TMTC4: variants seen among roughly 807,000 people sequenced by gnomAD.
The protein encoded by TMTC4 is transmembrane O-mannosyltransferase targeting cadherins 4, also known as protein O-mannosyl-transferase TMTC4.
TMTC4 carries 65 observed loss-of-function variants against 86.0 expected under a neutral mutation model. The ratio of observed to expected loss-of-function variants is 0.76; its 90% CI spans 0.62 to 0.93. The LOEUF (loss-of-function observed/expected upper bound fraction) is 0.93, where lower values mean the gene tolerates loss of function less well. TMTC4 is among the 40% of genes least tolerant of loss of function. TMTC4 has a pLI of 0.00. For synonymous variants in TMTC4, 379 were observed against 382.5 expected (o/e 0.99, Z 0.11); for missense variants, 866 against 948.1 (o/e 0.91, Z 1.14).
chr13:100,630,398 A>G (rs1881195864), intron 12 of TMTC4, among the ~76,000 whole-genome samples: 1 of 152,226 alleles, frequency 6.6e-6, no homozygotes, highest in Non-Finnish European at 1.5e-5. Context: ...ACTACCATGC[A>G]CCACACAGTA....
intron 6 of TMTC4, among the ~76,000 whole-genome samples, chr13:100,651,912 G>C (rs1003129253): frequency 1.3e-5 from 2 of 152,028 alleles, no homozygotes; most frequent in African/African-American, 4.8e-5. Flanking sequence ...CCACCGAAGA[G>C]TTAGTTTTTA....
At chr13:100,671,137 T>C (rs142266296) in intron 1 of TMTC4, among the ~76,000 whole-genome samples, 3 of 152,252 alleles carry the variant, frequency 2.0e-5, no homozygotes, top group African/African-American at 7.2e-5. Flanking sequence ...GTTATCTGTT[T>C]TATTGTTTCA....
In TMTC4 at chr13:100,664,253, C is replaced by A. The variant is rs1404668064; in HGVS notation, c.303G>T (p.Lys101Asn). 1 of 1,612,242 alleles carries A rather than the reference C, an allele frequency of 6.2e-7. No individual in the cohort carries two copies. Among genetic ancestry groups the A allele is most frequent in the Non-Finnish European group, 8.5e-7 (1 of 1,179,196 alleles). The change falls in exon 4 of 19, where the codon AAG (lysine) becomes AAT (asparagine). Residue 101 changes from lysine to asparagine, a missense_variant. By Grantham distance (94) the Lys-to-Asn change is moderately conservative. Coordinates refer to ENST00000342624, the MANE Select transcript of TMTC4 (RefSeq NM_032813.5). ...GSRLSSNTSHKSYRPLTVLTF... is the reference protein window; with the variant it reads ...GSRLSSNTSHNSYRPLTVLTF... Reference sequence around the variant, plus strand: ...TCAGGACGGTGAGAGGCCGGTAGGACTTGTGGCTGGTGTTGCTGCTCAGTC... The same window carrying A: ...TCAGGACGGTGAGAGGCCGGTAGGAATTGTGGCTGGTGTTGCTGCTCAGTC...
Position 100,657,847 on chromosome 13 carries a change from A to T in TMTC4, c.553-1379T>A, listed in dbSNP as rs79507714. On this transcript the variant is annotated intron_variant, in intron 5 of 18. Transcript: ENST00000342624. ...ATGTCTTTTAGGAGCAGATTCCCCT[A>T]CATCGGTTATACACGAAATGCCGAG... Among the ~76,000 whole-genome samples the T allele has an allele frequency of 5.0e-3, 768 of 152,334 alleles. 45 individuals carry two copies. The East Asian group carries it at 0.12, about 24-fold the overall frequency.
At chr13:100,667,131 C>T (rs1886486568) in intron 3 of TMTC4, among the ~76,000 whole-genome samples, 1 of 152,136 alleles carries the variant, frequency 6.6e-6, no homozygotes, top group Admixed American at 6.6e-5. Flanking sequence ...AAATGAAGAA[C>T]TTGAATTAAA....
In TMTC4 at chr13:100,669,736, G is replaced by A. The variant is rs541656532; in HGVS notation, c.3+624C>T. Among the ~76,000 whole-genome samples the A allele has an allele frequency of 2.0e-5, 3 of 151,994 alleles. No individual in the cohort carries two copies. The East Asian group carries it at 5.8e-4, about 30-fold the overall frequency. On this transcript the variant is annotated intron_variant, in intron 2 of 18. Coordinates refer to ENST00000342624, the MANE Select transcript of TMTC4 (RefSeq NM_032813.5). ...CTAACAGCTTCCCGCCTTGGAATTC[G>A]CCAAAACAAATCTCAACCTACCCCC...
chr13:100,666,303 T>A (rs1886391208), intron 3 of TMTC4, among the ~76,000 whole-genome samples: 1 of 152,202 alleles, frequency 6.6e-6, no homozygotes, highest in African/African-American at 2.4e-5. Flanking sequence ...TGTTTCACAT[T>A]ACTGTAGGCA....
intron 1 of TMTC4, 84 bp downstream of exon 1, chr13:100,674,660 A>T (rs1220021246): frequency 1.0e-6 from 1 of 981,900 alleles, no homozygotes; most frequent in Non-Finnish European, 1.2e-6. Flanking sequence ...ACACGGCGGC[A>T]GCGGGGAACC....
chr13:100,658,938 T>C (rs1885439684), intron 5 of TMTC4, among the ~76,000 whole-genome samples: 1 of 152,252 alleles, frequency 6.6e-6, no homozygotes, highest in African/African-American at 2.4e-5. Flanking sequence ...AGAGGGACTG[T>C]ATCCAATCAC....
chr13:100,645,632 T>C (rs1473751450), intron 6 of TMTC4, among the ~76,000 whole-genome samples: 6 of 152,130 alleles, frequency 3.9e-5, no homozygotes, highest in African/African-American at 1.2e-4. Flanking sequence ...TCCAAGTCCC[T>C]GACTGCCGCT....
rs1293988461 is a variant in TMTC4, at chr13:100,614,307, T to C, written c.1951+9A>G. 5.6e-6 allele frequency: 9 copies of C among 1,606,886 alleles called. No individual in the cohort carries two copies. Among genetic ancestry groups the C allele is most frequent in the Non-Finnish European group, 6.8e-6 (8 of 1,174,222 alleles). On this transcript the variant is annotated intron_variant, in intron 16 of 18. Coordinates refer to ENST00000342624, the MANE Select transcript of TMTC4 (RefSeq NM_032813.5). ...TTTCCTGTGATTTGTTCCATCCAGC[T>C]TTCTGTACCTGTATTGTCGAGGAGT...
chr13:100,668,742 C>T lies in TMTC4; in HGVS notation c.56G>A (p.Arg19Lys). ...CAAATCAGTGTCCAACACGGCCATT[C>T]TGAAAACTGCAGGTTGGTGGCTCCC... ...GAGSHQPAVF[R>K]MAVLDTDLDH... Residue 19 changes from arginine (R) to lysine (K), a missense_variant, in exon 3 of 19, where the codon AGA becomes AAA. By Grantham distance (26) the Arg-to-Lys change is conservative. Coordinates refer to ENST00000342624, the MANE Select transcript of TMTC4 (RefSeq NM_032813.5). The T allele has an allele frequency of 1.2e-6, 2 of 1,614,220 alleles. No homozygotes were observed. The highest frequency in any genetic ancestry group is 1.7e-6 in the Non-Finnish European group (2 of 1,180,050).
At chr13:100,634,062 C>T (rs1243525355) in intron 12 of TMTC4, among the ~76,000 whole-genome samples, 1 of 151,740 alleles carries the variant, frequency 6.6e-6, no homozygotes, top group African/African-American at 2.4e-5. Context: ...TCCCTTGAAC[C>T]CGGGAGGTGG....
At chr13:100,644,292 A>T (rs1883431474) in intron 6 of TMTC4, among the ~76,000 whole-genome samples, 1 of 151,566 alleles carries the variant, frequency 6.6e-6, no homozygotes, top group African/African-American at 2.4e-5. Context: ...TTTAGTAGAG[A>T]CGGGGTTTCA....
At position 100,668,809 on chromosome 13, in the gene TMTC4, A is replaced by C. The variant is rs773046983; in HGVS notation, c.4-15T>G. ...TGGTTAGGAATCTGCAGGAAAAACA[A>C]CACTGTATAAATATTCATCAACACT... On this transcript the variant is annotated splice_polypyrimidine_tract_variant and intron_variant, in intron 2 of 18. Transcript: ENST00000342624. The C allele has an allele frequency of 1.7e-5, 28 of 1,613,408 alleles. No homozygotes were observed. In the South Asian group the frequency reaches 2.6e-4, roughly 15 times the overall value.
At chr13:100,674,429 A>G in intron 1 of TMTC4, 2 of 901,868 alleles carry the variant, frequency 2.2e-6, no homozygotes, top group South Asian at 1.0e-4. Context: ...GCGGCTGTGC[A>G]GGCAGGGGCT....
chr13:100,605,195 T>C lies in TMTC4; in HGVS notation c.2135-53A>G. 1 of 1,572,972 alleles carries C rather than the reference T, an allele frequency of 6.4e-7. No individual in the cohort carries two copies. Among genetic ancestry groups the C allele is most frequent in the Non-Finnish European group, 8.6e-7 (1 of 1,159,112 alleles). ...GGGAATGCTTCTGAGTAACGTGCCGTATTCCTACCCTCTTGGACAAAGAAA... is the reference window on the plus strand; with the variant it reads ...GGGAATGCTTCTGAGTAACGTGCCGCATTCCTACCCTCTTGGACAAAGAAA... On this transcript the variant is annotated intron_variant, in intron 18 of 18. Transcript: ENST00000342624. The surrounding 1 kb of genome is among the most constrained non-coding windows in gnomAD (Gnocchi z 4.3).
intron 15 of TMTC4, among the ~76,000 whole-genome samples, chr13:100,620,507 T>G (rs1162876195): frequency 6.6e-6 from 1 of 152,162 alleles, no homozygotes; most frequent in Non-Finnish European, 1.5e-5. Flanking sequence ...AATCTCTGAG[T>G]TCATGTTACC....
In TMTC4 at chr13:100,638,022, C is replaced by A; in HGVS notation, c.742G>T (p.Gly248Cys). Residue 248 changes from glycine (G) to cysteine (C), a missense_variant and splice_region_variant, in exon 8 of 19, where the codon GGT becomes TGT. Physicochemically the swap from Gly to Cys is radical, Grantham distance 159 (BLOSUM62 -3). Coordinates refer to ENST00000342624, the MANE Select transcript of TMTC4 (RefSeq NM_032813.5). ...AAGATGTCAAATACCGCATTTAAAC[C>A]CTAAGAAAGCAAAGCAAGACAATCA... is the stretch of plus-strand genomic sequence containing the variant. Reference protein sequence around the residue: ...LCKEQGITVLGLNAVFDILVI... With the variant: ...LCKEQGITVLCLNAVFDILVI... 1 of 1,612,972 alleles carries A rather than the reference C, an allele frequency of 6.2e-7. No homozygotes were observed.
Sources: gnomAD v4.1 joint callset for allele counts (sites outside exome capture counted in the v4.1 genomes callset) on GRCh38, gnomAD v4.1.1 for gene constraint, Gnocchi (gnomAD v3.1) non-coding constraint, MANE v1.5 for transcripts, NCBI Gene and HGNC (gene_info 2026-07-23, HGNC 2026-07-21) for gene names.